Variants in RIPOR3 observed in about 807,000 individuals in gnomAD.
The protein encoded by RIPOR3 is family with sequence similarity 65 member C.
In RIPOR3, 95 loss-of-function variants were observed where a neutral mutation model predicts 114.3. That is an observed-to-expected ratio of 0.83 (90% CI 0.70 to 0.99). The LOEUF (loss-of-function observed/expected upper bound fraction) is 0.99. RIPOR3 is among the 50% of genes least tolerant of loss of function. RIPOR3 has a pLI of 0.00. For synonymous variants in RIPOR3, 575 were observed against 543.8 expected (o/e 1.06, Z -0.80); for missense variants, 1,252 against 1,266.9 (o/e 0.99, Z 0.18).
chr20:50,592,850 C>T (rs1356192239), intron 18 of RIPOR3, among the ~76,000 whole-genome samples, 185 bp downstream of exon 18: 1 of 152,224 alleles, frequency 6.6e-6, no homozygotes, highest in African/African-American at 2.4e-5. Context: ...CTTTTTAAAG[C>T]TGACTTCCCT....
At chr20:50,612,657 G>T (rs1367273146) in intron 4 of RIPOR3, among the ~76,000 whole-genome samples, 1 of 152,198 alleles carries the variant, frequency 6.6e-6, no homozygotes, top group Non-Finnish European at 1.5e-5. Flanking sequence ...ATCAATAAAA[G>T]ATTGTTCTCA....
intron 2 of RIPOR3, among the ~76,000 whole-genome samples, chr20:50,627,754 G>A (rs1043664539): frequency 2.0e-5 from 3 of 152,128 alleles, no homozygotes; most frequent in Non-Finnish European, 2.9e-5. Flanking sequence ...GCAGTGAATC[G>A]AGATCGCACC....
chr20:50,652,359 G>A (rs1055829220), intron 1 of RIPOR3, among the ~76,000 whole-genome samples: 1 of 152,094 alleles, frequency 6.6e-6, no homozygotes, highest in Non-Finnish European at 1.5e-5. Flanking sequence ...GGGAGGCTGG[G>A]GCAGGTGAAT....
intron 4 of RIPOR3, among the ~76,000 whole-genome samples, chr20:50,611,709 G>A (rs1198273903): frequency 2.6e-5 from 4 of 152,162 alleles, no homozygotes; most frequent in Non-Finnish European, 4.4e-5. Flanking sequence ...GGGCCAGGGT[G>A]CGACCAACAC....
At chr20:50,661,932 G>A (rs2086010907) in intron 1 of RIPOR3, 1 of 152,310 alleles carries the variant, frequency 6.6e-6, no homozygotes, top group African/African-American at 2.4e-5. Flanking sequence ...TGGGCTCCAG[G>A]CGTGGCACCT....
At chr20:50,599,041 T>G (rs2083401085) in intron 13 of RIPOR3, among the ~76,000 whole-genome samples, 1 of 152,096 alleles carries the variant, frequency 6.6e-6, no homozygotes, top group Non-Finnish European at 1.5e-5. Context: ...AGCAGTTTTA[T>G]CAACTCAGCA....
intron 1 of RIPOR3, among the ~76,000 whole-genome samples, chr20:50,643,863 G>A (rs562406392): frequency 4.6e-5 from 7 of 151,868 alleles, no homozygotes; most frequent in Non-Finnish European, 8.8e-5. Context: ...ACAGGCGCCC[G>A]CCACTGTGCC....
At chr20:50,669,630 T>C (rs181407880) in intron 1 of RIPOR3, among the ~76,000 whole-genome samples, 1 of 152,252 alleles carries the variant, frequency 6.6e-6, no homozygotes, top group African/African-American at 2.4e-5. Context: ...GAGACCACCC[T>C]CCAGCAGCTT....
At chr20:50,679,549 A>T (rs1391115122) in intron 1 of RIPOR3, among the ~76,000 whole-genome samples, 3 of 149,884 alleles carry the variant, frequency 2.0e-5, no homozygotes, top group African/African-American at 7.4e-5. Context: ...CAAGGTCAGG[A>T]GATCGAGACC....
chr20:50,668,818 C>A (rs899006610), intron 1 of RIPOR3, among the ~76,000 whole-genome samples: 9 of 151,822 alleles, frequency 5.9e-5, no homozygotes, highest in African/African-American at 2.2e-4. Flanking sequence ...GATCAAGCCA[C>A]TGCCCTCCAG....
At chr20:50,629,548 G>A (rs948299365) in intron 2 of RIPOR3, among the ~76,000 whole-genome samples, 2 of 152,136 alleles carry the variant, frequency 1.3e-5, no homozygotes, top group African/African-American at 4.8e-5. Flanking sequence ...GACACAGGAC[G>A]GGGCAGCAGG....
intron 1 of RIPOR3, among the ~76,000 whole-genome samples, chr20:50,689,146 G>A (rs1300290373): frequency 1.3e-5 from 2 of 150,788 alleles, no homozygotes; most frequent in Non-Finnish European, 2.9e-5. Context: ...GGGAAGTGGT[G>A]GGGAGATTTA....
rs567262497 is a variant in RIPOR3 at position 50,586,824 on chromosome 20, C to G, written c.*408G>C. ...CCAGTGCCTCTTGACGCAGAAGTGC[C>G]GAGCAGCTGACCGGCAGCGAGGCCT... On this transcript the variant is annotated 3_prime_UTR_variant, in exon 22 of 22. Coordinates refer to ENST00000327979, the MANE Select transcript of RIPOR3 (RefSeq NM_001290268.2). 166 of 172,296 alleles carry G rather than the reference C, an allele frequency of 9.6e-4. No individual in the cohort carries two copies. Among genetic ancestry groups the G allele is most frequent in the African/African-American group, 3.8e-3 (162 of 42,296 alleles). The allele number at this position is 172,296 out of a possible 1,614,324, so 10.7% of individuals were successfully genotyped here.
chr20:50,684,602 G>A (rs1011408687), intron 1 of RIPOR3, among the ~76,000 whole-genome samples: 8 of 152,154 alleles, frequency 5.3e-5, no homozygotes, highest in Admixed American at 2.0e-4. Context: ...GGCTGCACAC[G>A]GAGAGTAGAC....
intron 14 of RIPOR3, 155 bp downstream of exon 14, chr20:50,597,424 CG>C (rs1388411635): frequency 1.8e-6 from 2 of 1,110,560 alleles, no homozygotes; most frequent in Non-Finnish European, 2.5e-6. Flanking sequence ...GGGGGATGTG[CG>C]GGGATGGCAT....
chr20:50,644,352 T>C (rs1451176663), intron 1 of RIPOR3, among the ~76,000 whole-genome samples: 1 of 152,228 alleles, frequency 6.6e-6, no homozygotes, highest in Admixed American at 6.5e-5. Context: ...TTAATTCTAG[T>C]CTTTTCTTGT....
At chr20:50,676,579 G>A (rs2086683580) in intron 1 of RIPOR3, among the ~76,000 whole-genome samples, 1 of 152,000 alleles carries the variant, frequency 6.6e-6, no homozygotes, top group Non-Finnish European at 1.5e-5. Flanking sequence ...TTGAGCCCAG[G>A]AGGTCAAGGC....
At chr20:50,616,884 T>G (rs2084192410) in intron 3 of RIPOR3, among the ~76,000 whole-genome samples, 1 of 152,222 alleles carries the variant, frequency 6.6e-6, no homozygotes, top group Non-Finnish European at 1.5e-5. Context: ...GGCTGACGCC[T>G]GTAATCCTAA....
chr20:50,671,407 C>T lies in RIPOR3; in HGVS notation c.3+19719G>A, dbSNP rs190424941. On this transcript the variant is annotated intron_variant, in intron 1 of 21. Transcript: ENST00000327979. ...TCTCTCCCTCTCTCTCACATGAGCA[C>T]GCGCGCGTGCACGCGCGCGCGCACA... is the stretch of plus-strand genomic sequence containing the variant. 7.7e-4 allele frequency among the ~76,000 whole-genome samples: 98 copies of T among 127,548 alleles called. 1 individual carries two copies. The highest frequency in any genetic ancestry group is 4.1e-3 in the Middle Eastern group (1 of 246). 83.7% of individuals were successfully genotyped at this position (127,548 alleles called of 152,430 possible). A position where few individuals can be genotyped will look rare whatever the true frequency, so the allele number is the denominator to read the frequency against.
Sources: gnomAD v4.1 joint callset for allele counts (sites outside exome capture counted in the v4.1 genomes callset) on GRCh38, gnomAD v4.1.1 for gene constraint, MANE v1.5 for transcripts, NCBI Gene and HGNC (gene_info 2026-07-23, HGNC 2026-07-21) for gene names.